Variants in TRIM23 observed in about 807,000 individuals in gnomAD.
TRIM23 encodes tripartite motif containing 23.
A neutral mutation model predicts 71.0 loss-of-function variants in TRIM23; 27 were observed. That is an observed-to-expected ratio of 0.38 (90% CI 0.28 to 0.52). The LOEUF (loss-of-function observed/expected upper bound fraction) is 0.52, where lower values mean the gene tolerates loss of function less well. Ranked by LOEUF, TRIM23 falls within the 20% of genes least tolerant of loss-of-function variation. The probability of loss-of-function intolerance (pLI) is 0.84; values close to 1 mark genes in which losing one functional copy is unlikely to be tolerated. For synonymous variants in TRIM23, 234 were observed against 238.0 expected (o/e 0.98, Z 0.16); for missense variants, 482 against 692.3 (o/e 0.70, Z 3.41).
intron 7 of TRIM23, among the ~76,000 whole-genome samples, chr5:65,602,884 C>T (rs1228813924): frequency 6.6e-6 from 1 of 152,138 alleles, no homozygotes; most frequent in African/African-American, 2.4e-5. Context: ...TGGGTCCCTC[C>T]CAAAACGTGG....
rs1056824499 is a variant in TRIM23 at position 65,590,366 on chromosome 5, C to CT, written c.*1402dup. On this transcript the variant is annotated 3_prime_UTR_variant, in exon 11 of 11. Transcript: ENST00000231524. ...ACATATTGCCCATAATACTGATAGG[C>CT]TTTTTTTTTAATGCTTTGTTTTCTA... The CT allele has an allele frequency of 3.3e-3, 4,419 of 1,342,006 alleles. No homozygotes were observed. Among genetic ancestry groups the CT allele is most frequent in the South Asian group, 6.5e-3 (390 of 59,900 alleles). 83.1% of individuals were successfully genotyped at this position (1,342,006 alleles called of 1,614,324 possible).
chr5:65,596,502 T>G lies in TRIM23; in HGVS notation c.1339A>C (p.Asn447His). ...ACATCCCAAATAGTGAATTTTAGATTTTTATATTCTACAGTTTCCACGTTA... is the reference window on the plus strand; with the variant it reads ...ACATCCCAAATAGTGAATTTTAGATGTTTATATTCTACAGTTTCCACGTTA... ...GFNVETVEYKNLKFTIWDVGG... is the reference protein window; with the variant it reads ...GFNVETVEYKHLKFTIWDVGG... Residue 447 changes from asparagine (N) to histidine (H), a missense_variant, in exon 9 of 11, where the codon AAT becomes CAT. This residue lies in a region of TRIM23 where 307 missense variants were observed against 495.8 expected (regional missense o/e 0.62). Coordinates refer to ENST00000231524, the MANE Select transcript of TRIM23 (RefSeq NM_001656.4). 6.2e-7 allele frequency: 1 copy of G among 1,610,344 alleles called. No homozygotes were observed. Among genetic ancestry groups the G allele is most frequent in the South Asian group, 1.1e-5 (1 of 90,898 alleles).
chr5:65,598,621 C>T (rs259749), intron 7 of TRIM23, among the ~76,000 whole-genome samples: 94,122 of 151,762 alleles, frequency 0.62, 29,447 homozygotes, highest in South Asian at 0.65. Context: ...TGGTGGCGCA[C>T]GCCTGTAATC....
rs542225457 is a variant in TRIM23 at position 65,591,965 on chromosome 5, C to T, written c.1546-17G>A. The T allele has an allele frequency of 9.4e-6, 15 of 1,603,360 alleles. No individual in the cohort carries two copies. In the South Asian group the frequency reaches 1.3e-4, roughly 14 times the overall value. Reference sequence around the variant, plus strand: ...AGCAACATCCTGAAAGATATATACACATATTTTTTATCAGTCCATCCAAAT... The same window carrying T: ...AGCAACATCCTGAAAGATATATACATATATTTTTTATCAGTCCATCCAAAT... On this transcript the variant is annotated splice_polypyrimidine_tract_variant and intron_variant, in intron 10 of 10. Coordinates refer to ENST00000231524, the MANE Select transcript of TRIM23 (RefSeq NM_001656.4).
chr5:65,624,326 G>A lies in TRIM23; in HGVS notation c.-52C>T, dbSNP rs763833831. 1.9e-6 allele frequency: 3 copies of A among 1,593,622 alleles called. No individual in the cohort carries two copies. The highest frequency in any genetic ancestry group is 8.5e-7 in the Non-Finnish European group (1 of 1,170,404). On this transcript the variant is annotated 5_prime_UTR_variant, in exon 1 of 11. Transcript: ENST00000231524. ...AGCCTTCAGAGTCCTCAACTGAGAGGCGGGGTTGAGCCACCTACCCAGAGG... is the reference window on the plus strand; with the variant it reads ...AGCCTTCAGAGTCCTCAACTGAGAGACGGGGTTGAGCCACCTACCCAGAGG...
Position 65,618,153 on chromosome 5 carries a change from G to A in TRIM23, c.184C>T (p.Arg62Cys), listed in dbSNP as rs1360353280. ...GHTVCHDCLT[R>C]LPLHGRAIRC... is the part of the protein sequence containing the mutation. Reference sequence around the variant, plus strand: ...ATTGCTCTTCCATGAAGAGGTAGGCGAGTGAGACAGTCATGACAGACGGTA... The same window carrying A: ...ATTGCTCTTCCATGAAGAGGTAGGCAAGTGAGACAGTCATGACAGACGGTA... The change falls in exon 2 of 11, where the codon CGC (arginine) becomes TGC (cysteine). Residue 62 changes from arginine (R) to cysteine (C), a missense_variant. By Grantham distance (180) the Arg-to-Cys change is radical (BLOSUM62 -3). Coordinates refer to ENST00000231524, the MANE Select transcript of TRIM23 (RefSeq NM_001656.4). The A allele has an allele frequency of 3.1e-6, 5 of 1,613,918 alleles. No homozygotes were observed. The highest frequency in any genetic ancestry group is 1.7e-5 in the Admixed American group (1 of 59,994).
rs369677860 is a variant in TRIM23 at position 65,611,864 on chromosome 5, A to G, written c.384T>C (p.Asp128=). 3.1e-6 allele frequency: 5 copies of G among 1,611,754 alleles called. No homozygotes were observed. In the African/African-American group the frequency reaches 5.3e-5, roughly 17 times the overall value. The change falls in exon 4 of 11, where the codon GAT becomes GAC. Residue 128 remains aspartate (D), a synonymous_variant. Transcript: ENST00000231524. The part of the protein sequence containing the change: ...GISGESIIRC[D]EDEAHLASVY... ...CAGAGGCAAGGTGAGCTTCATCTTC[A>G]TCACAACGAATGATGCTCTGATAAA...
chr5:65,595,576 A>C (rs1754178057), intron 9 of TRIM23, among the ~76,000 whole-genome samples: 1 of 151,312 alleles, frequency 6.6e-6, no homozygotes, highest in Non-Finnish European at 1.5e-5. Context: ...AAAAAAAAAA[A>C]AATTAGCTGA....
chr5:65,619,130 C>T (rs1282398138), intron 1 of TRIM23, among the ~76,000 whole-genome samples: 2 of 152,192 alleles, frequency 1.3e-5, no homozygotes, highest in Non-Finnish European at 2.9e-5. Flanking sequence ...TCATTCAAGA[C>T]CTGCTACAAT....
At chr5:65,621,274 C>T (rs1754935457) in intron 1 of TRIM23, among the ~76,000 whole-genome samples, 2 of 152,172 alleles carry the variant, frequency 1.3e-5, no homozygotes, top group Non-Finnish European at 1.5e-5. Flanking sequence ...ATGGTATGAA[C>T]CTAAGAGGCG....
rs1754229318 is a variant in TRIM23 at position 65,597,120 on chromosome 5, C to T, written c.1240G>A (p.Gly414Ser). ...AACAAGATAGTAGTTTTTCCAGCAC[C>T]ATCCAATCCTAACGTAACGACCCGA... The part of the protein sequence containing the change: ...EIRVVTLGLD[G>S]AGKTTILFKL... The change falls in exon 8 of 11, where the codon GGT (glycine) becomes AGT (serine). Residue 414 changes from glycine to serine, a missense_variant. Physicochemically the swap from Gly to Ser is moderately conservative, Grantham distance 56. Transcript: ENST00000231524. 6.2e-7 allele frequency: 1 copy of T among 1,614,050 alleles called. No homozygotes were observed. Among genetic ancestry groups the T allele is most frequent in the African/African-American group, 1.3e-5 (1 of 74,922 alleles).
At chr5:65,612,017 C>A in intron 3 of TRIM23, 136 bp from the exon 4 acceptor site, 1 of 859,718 alleles carries the variant, frequency 1.2e-6, no homozygotes, top group Non-Finnish European at 1.7e-6. Flanking sequence ...TCATTAAGAA[C>A]AAAGGTCATT....
chr5:65,594,384 TCA>T (rs1754134512), intron 10 of TRIM23, 135 bp downstream of exon 10: 1 of 1,175,002 alleles, frequency 8.5e-7, no homozygotes, highest in Non-Finnish European at 1.2e-6. Context: ...CACAGCATTT[TCA>T]CATAGATTGT....
intron 2 of TRIM23, among the ~76,000 whole-genome samples, chr5:65,615,288 T>C (rs1754750857): frequency 6.6e-6 from 1 of 152,204 alleles, no homozygotes; most frequent in East Asian, 1.9e-4. Context: ...AAATACTTTT[T>C]GCAGCAACCT....
chr5:65,609,177 G>A (rs1754584065), intron 6 of TRIM23, 66 bp downstream of exon 6: 3 of 1,501,976 alleles, frequency 2.0e-6, no homozygotes, highest in Non-Finnish European at 2.8e-6. Context: ...ACACACTAAT[G>A]TATACCTCTG....
chr5:65,614,564 G>A (rs1441757268), intron 2 of TRIM23, among the ~76,000 whole-genome samples: 3 of 151,852 alleles, frequency 2.0e-5, no homozygotes, highest in Admixed American at 6.6e-5. Flanking sequence ...GTGAAATCCC[G>A]TCTCTACTAA....
intron 8 of TRIM23, 94 bp from the exon 9 acceptor site, chr5:65,596,625 T>C: frequency 4.1e-6 from 3 of 735,910 alleles, no homozygotes; most frequent in Admixed American, 2.7e-5. Flanking sequence ...AACTGTGACT[T>C]ATCAAATTAT....
chr5:65,590,683 A>ATT lies in TRIM23; in HGVS notation c.*1084_*1085dup. The ATT allele has an allele frequency of 3.3e-6, 3 of 909,232 alleles. No individual in the cohort carries two copies. Among genetic ancestry groups the ATT allele is most frequent in the Non-Finnish European group, 2.6e-6 (2 of 759,800 alleles). 56.3% of individuals were successfully genotyped at this position (909,232 alleles called of 1,614,324 possible). ...TGAATAATTAATGTAAACTTTTTGA[A>ATT]TTTTTTTTTTCTTTAGACATTTTTC... On this transcript the variant is annotated 3_prime_UTR_variant, in exon 11 of 11. Coordinates refer to ENST00000231524, the MANE Select transcript of TRIM23 (RefSeq NM_001656.4).
chr5:65,607,945 G>C lies in TRIM23; in HGVS notation c.1044+1298C>G, dbSNP rs146216619. Among the ~76,000 whole-genome samples the C allele has an allele frequency of 1.8e-3, 277 of 152,252 alleles. 2 individuals carry two copies. The highest frequency in any genetic ancestry group is 6.3e-3 in the African/African-American group (260 of 41,554). ...AGCATCTAAAACACATAGGCATATT[G>C]TGTCATTCAAGGTCAAATCGGAAGA... On this transcript the variant is annotated intron_variant, in intron 6 of 10. Transcript: ENST00000231524.
Sources: gnomAD v4.1 joint callset for allele counts (sites outside exome capture counted in the v4.1 genomes callset) on GRCh38, gnomAD v4.1.1 for gene constraint, gnomAD v4.1.1 regional missense constraint, MANE v1.5 for transcripts, NCBI Gene and HGNC (gene_info 2026-07-23, HGNC 2026-07-21) for gene names.